CTNND2: variants seen among roughly 807,000 people sequenced by gnomAD.
CTNND2 encodes catenin delta-2.
CTNND2 carries 22 observed loss-of-function variants against 144.4 expected under a neutral mutation model. That is an observed-to-expected ratio of 0.15 (90% CI 0.11 to 0.22). The LOEUF (loss-of-function observed/expected upper bound fraction) is 0.22, where lower values mean the gene tolerates loss of function less well. Among genes scored for constraint, CTNND2 ranks in the 10% least tolerant of loss-of-function variants. The pLI, the probability that CTNND2 is intolerant of heterozygous loss-of-function variation, is 1.00. For missense variants in CTNND2, 1,353 were observed against 1,618.8 expected, an observed-to-expected ratio of 0.84 and a Z score of 2.82; for synonymous variants, 751 against 695.6, an observed-to-expected ratio of 1.08 and a Z score of -1.25.
chr5:11,622,106 G>A (rs895406243), intron 2 of CTNND2, among the ~76,000 whole-genome samples: 3 of 152,082 alleles, frequency 2.0e-5, no homozygotes, highest in Non-Finnish European at 4.4e-5. Flanking sequence ...TAAGAAATAA[G>A]ACAGAAGAAC....
intron 2 of CTNND2, among the ~76,000 whole-genome samples, chr5:11,728,199 A>G (rs1052108205): frequency 6.6e-6 from 1 of 152,122 alleles, no homozygotes; most frequent in South Asian, 2.1e-4. Context: ...TCAGCTGGGC[A>G]CGGTGGCTCA....
chr5:11,688,287 G>A (rs1042038004), intron 2 of CTNND2, among the ~76,000 whole-genome samples: 5 of 152,088 alleles, frequency 3.3e-5, no homozygotes, highest in African/African-American at 9.7e-5. Context: ...TGAACTCCCG[G>A]AAGACAAGGC....
At chr5:11,238,050 A>G (rs751699188) in intron 9 of CTNND2, among the ~76,000 whole-genome samples, 1 of 152,200 alleles carries the variant, frequency 6.6e-6, no homozygotes, top group Non-Finnish European at 1.5e-5. Flanking sequence ...GCTGGTTGTC[A>G]TCTTAAGCAA....
intron 1 of CTNND2, among the ~76,000 whole-genome samples, chr5:11,844,232 C>T (rs1794628131): frequency 6.6e-6 from 1 of 152,098 alleles, no homozygotes; most frequent in African/African-American, 2.4e-5. Context: ...GGATGAACAT[C>T]TTTACAGAAA....
chr5:11,693,315 T>C (rs1784994325), intron 2 of CTNND2, among the ~76,000 whole-genome samples: 1 of 152,234 alleles, frequency 6.6e-6, no homozygotes, highest in Non-Finnish European at 1.5e-5. Context: ...CCACCTAGCT[T>C]ATGTTAGTTT....
intron 2 of CTNND2, among the ~76,000 whole-genome samples, chr5:11,645,610 T>C (rs1782307312): frequency 6.6e-6 from 1 of 152,174 alleles, no homozygotes; most frequent in South Asian, 2.1e-4. Context: ...TTTCAACAAC[T>C]GAGAACCACT....
Position 11,621,505 on chromosome 5 carries a change from T to C in CTNND2, c.175-56449A>G, listed in dbSNP as rs147325099. 1.9e-3 allele frequency among the ~76,000 whole-genome samples: 295 copies of C among 152,284 alleles called. 1 individual carries two copies. The highest frequency in any genetic ancestry group is 6.9e-3 in the African/African-American group (288 of 41,580). The stretch of plus-strand genomic sequence containing the variant: ...TTAACTTTGGAATTTGTATTTTTGG[T>C]TGAGAAAAAATCGTGTAAATGGCAT... On this transcript the variant is annotated intron_variant, in intron 2 of 21. Coordinates refer to ENST00000304623, the MANE Select transcript of CTNND2 (RefSeq NM_001332.4).
chr5:11,699,677 T>A (rs908536240), intron 2 of CTNND2, among the ~76,000 whole-genome samples: 24 of 152,164 alleles, frequency 1.6e-4, no homozygotes, highest in Admixed American at 1.6e-3. Flanking sequence ...GTAGCCCAAC[T>A]CTCCTTCCTT....
chr5:11,129,211 AT>A (rs1302505886), intron 12 of CTNND2, among the ~76,000 whole-genome samples: 6 of 40,512 alleles, frequency 1.5e-4, no homozygotes, highest in Non-Finnish European at 2.6e-4. Context: ...TTATATATTT[AT>A]ATATTATATA....
At chr5:11,143,320 G>T (rs532997126) in intron 12 of CTNND2, among the ~76,000 whole-genome samples, 52 of 152,188 alleles carry the variant, frequency 3.4e-4, no homozygotes, top group South Asian at 2.9e-3. Flanking sequence ...CCACAAGCTG[G>T]GTGGCTTAAG....
At chr5:11,192,711 G>C (rs1736421392) in intron 11 of CTNND2, among the ~76,000 whole-genome samples, 1 of 152,188 alleles carries the variant, frequency 6.6e-6, no homozygotes, top group African/African-American at 2.4e-5. Flanking sequence ...CTGTCCCCTA[G>C]AGCGTCCTGA....
At chr5:11,086,245 G>A (rs1046323491) in intron 15 of CTNND2, among the ~76,000 whole-genome samples, 1 of 152,134 alleles carries the variant, frequency 6.6e-6, no homozygotes, top group Non-Finnish European at 1.5e-5. Flanking sequence ...GGAGGCAGGT[G>A]TGGGCCAAGA....
In CTNND2 at chr5:11,480,618, G is replaced by A. The variant is rs187783718; in HGVS notation, c.288-68549C>T. 2.0e-5 allele frequency among the ~76,000 whole-genome samples: 3 copies of A among 148,876 alleles called. No individual in the cohort carries two copies. In the Admixed American group the frequency reaches 2.0e-4, roughly 10 times the overall value. On this transcript the variant is annotated intron_variant, in intron 3 of 21. Coordinates refer to ENST00000304623, the MANE Select transcript of CTNND2 (RefSeq NM_001332.4). The stretch of plus-strand genomic sequence containing the variant: ...TTACCTAACTCCCCCCACCAAACAT[G>A]CTTGTTCTATGATTTGAAAATACAT...
At chr5:11,764,254 C>T (rs1789447637) in intron 1 of CTNND2, among the ~76,000 whole-genome samples, 1 of 152,144 alleles carries the variant, frequency 6.6e-6, no homozygotes, top group Non-Finnish European at 1.5e-5. Context: ...CTAGAGGCTT[C>T]AGAAGCAGTG....
chr5:11,683,251 A>C (rs1428693396), intron 2 of CTNND2, among the ~76,000 whole-genome samples: 1 of 152,218 alleles, frequency 6.6e-6, no homozygotes, highest in East Asian at 1.9e-4. Context: ...TAGAATATTA[A>C]GCTTCCATGT....
At chr5:11,207,549 T>A (rs1049956957) in intron 10 of CTNND2, among the ~76,000 whole-genome samples, 2 of 152,154 alleles carry the variant, frequency 1.3e-5, no homozygotes, top group Admixed American at 1.3e-4. Flanking sequence ...ACATTCTTTC[T>A]CTCTCACTTC....
intron 1 of CTNND2, among the ~76,000 whole-genome samples, chr5:11,762,505 T>C (rs1030896136): frequency 5.3e-5 from 8 of 152,084 alleles, no homozygotes; most frequent in Non-Finnish European, 2.9e-5. Flanking sequence ...AACTAAATGA[T>C]CCAAAAAAGA....
At chr5:11,330,345 G>A (rs1357633846) in intron 9 of CTNND2, among the ~76,000 whole-genome samples, 2 of 147,506 alleles carry the variant, frequency 1.4e-5, no homozygotes, top group Admixed American at 6.7e-5. Flanking sequence ...TTAGCCGGGC[G>A]TGGTGGCGGG....
intron 9 of CTNND2, among the ~76,000 whole-genome samples, chr5:11,322,808 TA>T (rs1752163639): frequency 6.6e-6 from 1 of 152,190 alleles, no homozygotes; most frequent in Admixed American, 6.5e-5. Flanking sequence ...TTTTTTTAAA[TA>T]AATACATTTA....
Sources: allele counts gnomAD v4.1 joint callset (sites outside exome capture counted in the v4.1 genomes callset), GRCh38; gene constraint gnomAD v4.1.1; transcripts MANE v1.5; gene names NCBI Gene and HGNC (gene_info 2026-07-23, HGNC 2026-07-21).